Variants in DCK observed in about 807,000 individuals in gnomAD.
The protein encoded by DCK is deoxycytidine kinase.
In DCK, 23 loss-of-function variants were observed where a neutral mutation model predicts 38.3. That is an observed-to-expected ratio of 0.60 (90% CI 0.43 to 0.85). The LOEUF (loss-of-function observed/expected upper bound fraction) is 0.85. Among genes scored for constraint, DCK ranks in the 40% least tolerant of loss-of-function variants. DCK has a pLI of 0.00. For missense variants in DCK, 259 were observed against 304.4 expected (o/e 0.85, Z 1.11); for synonymous variants, 108 against 100.6 (o/e 1.07, Z -0.44).
intron 1 of DCK, among the ~76,000 whole-genome samples, chr4:70,994,530 AATTC>A (rs1292351772): frequency 2.0e-5 from 3 of 152,124 alleles, no homozygotes; most frequent in African/African-American, 7.2e-5. Context: ...ATGCTTTTGA[AATTC>A]ATTCATGTTA....
intron 2 of DCK, among the ~76,000 whole-genome samples, chr4:70,998,567 G>A (rs1376670945): frequency 6.6e-6 from 1 of 152,182 alleles, no homozygotes; most frequent in Non-Finnish European, 1.5e-5. Context: ...ATATGTGGAT[G>A]TTGGTATCTG....
chr4:70,993,688 G>A lies in DCK; in HGVS notation c.-148G>A. 1 of 579,958 alleles carries A rather than the reference G, an allele frequency of 1.7e-6. No individual in the cohort carries two copies. The highest frequency in any genetic ancestry group is 3.0e-6 in the Non-Finnish European group (1 of 330,784). 35.9% of individuals were successfully genotyped at this position (579,958 alleles called of 1,614,324 possible). ...CCTCCGCGCGCCAAAGTCAAACCCC[G>A]ACACCCGCCGGCGGGCCGGTGAGCT... On this transcript the variant is annotated 5_prime_UTR_variant, in exon 1 of 7. Coordinates refer to ENST00000286648, the MANE Select transcript of DCK (RefSeq NM_000788.3).
At chr4:71,028,114 C>T (rs1056097321) in intron 6 of DCK, among the ~76,000 whole-genome samples, 3 of 152,142 alleles carry the variant, frequency 2.0e-5, no homozygotes, top group African/African-American at 7.2e-5. Context: ...ACTGACATTG[C>T]AAAGTATGTG....
intron 3 of DCK, 59 bp downstream of exon 3, chr4:71,022,619 T>C: frequency 9.6e-7 from 1 of 1,042,722 alleles, no homozygotes; most frequent in East Asian, 2.9e-5. Flanking sequence ...ACTGGACTTT[T>C]TTTTTTTTTT....
chr4:71,009,772 G>T (rs1740038976), intron 2 of DCK, among the ~76,000 whole-genome samples: 1 of 152,096 alleles, frequency 6.6e-6, no homozygotes, highest in East Asian at 1.9e-4. Flanking sequence ...GTACAGAGGG[G>T]GTAGTATTTT....
At chr4:70,997,042 C>T (rs910942733) in intron 1 of DCK, among the ~76,000 whole-genome samples, 1 of 152,138 alleles carries the variant, frequency 6.6e-6, no homozygotes, top group African/African-American at 2.4e-5. Flanking sequence ...GCTGTTATTA[C>T]TCTGCTTGAA....
intron 2 of DCK, among the ~76,000 whole-genome samples, chr4:71,006,676 C>T (rs976375241): frequency 6.6e-6 from 1 of 151,950 alleles, no homozygotes; most frequent in Non-Finnish European, 1.5e-5. Flanking sequence ...GGTGTGGTAG[C>T]CTGCACTTGG....
intron 4 of DCK, among the ~76,000 whole-genome samples, chr4:71,025,601 A>T (rs979229445): frequency 6.6e-6 from 1 of 152,084 alleles, no homozygotes; most frequent in African/African-American, 2.4e-5. Flanking sequence ...CCAAAAATTT[A>T]TAGGCTTATT....
intron 6 of DCK, 57 bp downstream of exon 6, chr4:71,026,812 T>C: frequency 1.2e-6 from 1 of 830,988 alleles, no homozygotes; most frequent in Non-Finnish European, 2.0e-6. Flanking sequence ...GTGTACTGAG[T>C]GGTGAGAAAA....
chr4:71,010,623 T>C (rs902310508), intron 2 of DCK, among the ~76,000 whole-genome samples: 1 of 147,544 alleles, frequency 6.8e-6, no homozygotes, highest in Non-Finnish European at 1.5e-5. Flanking sequence ...TTTTATATTA[T>C]ATTTATATAT....
At chr4:71,013,299 T>C (rs1740152032) in intron 2 of DCK, among the ~76,000 whole-genome samples, 2 of 152,158 alleles carry the variant, frequency 1.3e-5, no homozygotes. Context: ...TACCTGAAAG[T>C]GATGGGGAGA....
At chr4:71,009,369 G>T (rs1740031839) in intron 2 of DCK, among the ~76,000 whole-genome samples, 1 of 152,152 alleles carries the variant, frequency 6.6e-6, no homozygotes, top group African/African-American at 2.4e-5. Flanking sequence ...TTATAATAAG[G>T]TTGTCTGTTG....
intron 4 of DCK, among the ~76,000 whole-genome samples, chr4:71,025,214 T>C (rs1740517762): frequency 6.6e-6 from 1 of 152,248 alleles, no homozygotes; most frequent in South Asian, 2.1e-4. Flanking sequence ...TATTTAAATT[T>C]AGGGTTATTA....
chr4:70,998,776 T>A (rs1157617483), intron 2 of DCK, among the ~76,000 whole-genome samples: 1 of 151,992 alleles, frequency 6.6e-6, no homozygotes, highest in Non-Finnish European at 1.5e-5. Context: ...ATACAAAACT[T>A]AGCTGAACGT....
At position 70,993,933 on chromosome 4, in the gene DCK, A is replaced by C. The variant is rs1365620988; in HGVS notation, c.91+7A>C. 6 of 1,604,236 alleles carry C rather than the reference A, an allele frequency of 3.7e-6. No individual in the cohort carries two copies. The highest frequency in any genetic ancestry group is 5.1e-6 in the Non-Finnish European group (6 of 1,171,364). On this transcript the variant is annotated splice_region_variant and intron_variant, in intron 1 of 6. Transcript: ENST00000286648. ...TCCATCGAAGGGAACATCGGTAAGG[A>C]GCCTCCGGAAATGTGGGACGCAAGG...
chr4:71,022,701 C>A, intron 3 of DCK, 141 bp downstream of exon 3: 1 of 467,692 alleles, frequency 2.1e-6, no homozygotes, highest in Non-Finnish European at 3.6e-6. Context: ...ACATTTAAAT[C>A]CCTCAGCAGT....
intron 6 of DCK, among the ~76,000 whole-genome samples, chr4:71,028,962 G>T (rs1471575238): frequency 6.6e-6 from 1 of 152,136 alleles, no homozygotes; most frequent in Non-Finnish European, 1.5e-5. Flanking sequence ...TCTCCATGTT[G>T]GTCAGGCAGG....
chr4:71,026,840 AG>A (rs1740558662), intron 6 of DCK, 85 bp downstream of exon 6: 1 of 676,424 alleles, frequency 1.5e-6, no homozygotes, highest in African/African-American at 1.9e-5. Flanking sequence ...CTAACAGAAA[AG>A]CTTCCATAAA....
intron 2 of DCK, among the ~76,000 whole-genome samples, chr4:71,019,339 A>G (rs1308372138): frequency 6.6e-6 from 1 of 152,202 alleles, no homozygotes. Flanking sequence ...GATTATATTT[A>G]TTGAGAAATT....
Sources: gnomAD v4.1 joint callset for allele counts (sites outside exome capture counted in the v4.1 genomes callset) on GRCh38, gnomAD v4.1.1 for gene constraint, MANE v1.5 for transcripts, NCBI Gene and HGNC (gene_info 2026-07-23, HGNC 2026-07-21) for gene names.